Variants in CADM2 observed in about 807,000 individuals in gnomAD.
The protein encoded by CADM2 is cell adhesion molecule 2.
Under a neutral mutation model 49.8 loss-of-function variants are expected in CADM2, and 12 were observed. The observed-to-expected ratio is 0.24, with a 90% CI of 0.15 to 0.39. The LOEUF is 0.39. CADM2 is among the 10% of genes least tolerant of loss of function. CADM2 has a pLI of 1.00. For missense variants in CADM2, 378 were observed against 492.3 expected (o/e 0.77, Z 2.20); for synonymous variants, 214 against 175.4 (o/e 1.22, Z -1.74).
At chr3:85,155,613 C>T (rs1007104973) in intron 1 of CADM2, among the ~76,000 whole-genome samples, 8 of 152,008 alleles carry the variant, frequency 5.3e-5, no homozygotes, top group Non-Finnish European at 8.8e-5. Context: ...ACAGAACTCT[C>T]CACCCCAAAT....
chr3:85,070,042 T>A (rs2036664136), intron 1 of CADM2, among the ~76,000 whole-genome samples: 1 of 152,170 alleles, frequency 6.6e-6, no homozygotes, highest in Admixed American at 6.5e-5. Context: ...CTTCTTCGAA[T>A]TTTTTGTATT....
At chr3:85,110,290 G>T (rs1441161417) in intron 1 of CADM2, among the ~76,000 whole-genome samples, 2 of 151,650 alleles carry the variant, frequency 1.3e-5, no homozygotes, top group African/African-American at 4.8e-5. Context: ...GAGAAACTGT[G>T]GGGGGCAGAT....
At chr3:85,131,032 A>G (rs548687059) in intron 1 of CADM2, among the ~76,000 whole-genome samples, 1 of 152,226 alleles carries the variant, frequency 6.6e-6, no homozygotes, top group South Asian at 2.1e-4. Context: ...AAAATACAAA[A>G]TTAGCCGGGC....
intron 1 of CADM2, among the ~76,000 whole-genome samples, chr3:84,962,433 CT>C (rs2030627672): frequency 6.6e-6 from 1 of 152,104 alleles, no homozygotes; most frequent in East Asian, 1.9e-4. Context: ...TCATGCCTTC[CT>C]TGTCTTAGGC....
intron 5 of CADM2, among the ~76,000 whole-genome samples, chr3:85,908,641 T>A (rs995753436): frequency 1.3e-4 from 20 of 151,920 alleles, no homozygotes; most frequent in African/African-American, 4.8e-4. Context: ...CAATTTTAAA[T>A]GTATCGACAT....
At chr3:85,395,296 C>CAAAAAAAAAAAAAAA (rs58315220) in intron 1 of CADM2, among the ~76,000 whole-genome samples, 3 of 75,552 alleles carry the variant, frequency 4.0e-5, no homozygotes, top group East Asian at 4.0e-4. Flanking sequence ...AGACTCCATA[C>CAAAAAAAAAAAAAAA]AAAAAAAAAA....
At chr3:85,322,275 A>G (rs1195206632) in intron 1 of CADM2, among the ~76,000 whole-genome samples, 1 of 152,242 alleles carries the variant, frequency 6.6e-6, no homozygotes, top group Non-Finnish European at 1.5e-5. Flanking sequence ...TGTTTACGGT[A>G]GCATGTCCTA....
At chr3:85,386,394 G>T (rs1254607597) in intron 1 of CADM2, among the ~76,000 whole-genome samples, 2 of 152,128 alleles carry the variant, frequency 1.3e-5, no homozygotes, top group African/African-American at 2.4e-5. Flanking sequence ...TGGGTGGGGA[G>T]AACAACTAGA....
intron 1 of CADM2, among the ~76,000 whole-genome samples, chr3:85,321,128 T>A (rs2044598757): frequency 1.8e-4 from 2 of 10,876 alleles, no homozygotes; most frequent in African/African-American, 7.7e-4. Context: ...TTTTTTTTTT[T>A]TTTTTTTTTT....
At chr3:85,081,545 T>C (rs2037166879) in intron 1 of CADM2, among the ~76,000 whole-genome samples, 2 of 152,228 alleles carry the variant, frequency 1.3e-5, no homozygotes, top group Admixed American at 1.3e-4. Context: ...GGATAACAAT[T>C]TCCTTTATTT....
At chr3:85,535,992 G>T (rs1414158769) in intron 1 of CADM2, among the ~76,000 whole-genome samples, 1 of 152,010 alleles carries the variant, frequency 6.6e-6, no homozygotes, top group East Asian at 1.9e-4. Flanking sequence ...AAAACTTTGG[G>T]AGTCTTGTTT....
At chr3:85,478,059 T>G (rs2039055786) in intron 1 of CADM2, among the ~76,000 whole-genome samples, 1 of 151,912 alleles carries the variant, frequency 6.6e-6, no homozygotes. Context: ...ATATGATAAT[T>G]TAAAATGAAA....
intron 1 of CADM2, among the ~76,000 whole-genome samples, chr3:85,404,243 C>T (rs961181507): frequency 6.6e-6 from 1 of 152,032 alleles, no homozygotes. Flanking sequence ...CACTTTTTTT[C>T]TCCTTTCATT....
intron 8 of CADM2, among the ~76,000 whole-genome samples, chr3:86,064,655 CTCA>C (rs1382617890): frequency 6.6e-6 from 1 of 152,074 alleles, no homozygotes; most frequent in Non-Finnish European, 1.5e-5. Context: ...TGAAAAAATG[CTCA>C]TCATCACTGG....
chr3:85,602,036 A>G (rs899632597), intron 1 of CADM2, among the ~76,000 whole-genome samples: 26 of 151,830 alleles, frequency 1.7e-4, no homozygotes, highest in African/African-American at 6.0e-4. Flanking sequence ...AGTGGCTACT[A>G]TTGTAATTTA....
chr3:85,516,860 T>C (rs1423549909), intron 1 of CADM2, among the ~76,000 whole-genome samples: 1 of 152,058 alleles, frequency 6.6e-6, no homozygotes, highest in East Asian at 1.9e-4. Flanking sequence ...AATGCAAAGG[T>C]ACATTAATAA....
intron 1 of CADM2, among the ~76,000 whole-genome samples, chr3:85,024,841 A>G (rs1469206788): frequency 6.6e-6 from 1 of 152,040 alleles, no homozygotes; most frequent in Non-Finnish European, 1.5e-5. Flanking sequence ...TTAACATACA[A>G]TATACAATAG....
At chr3:85,545,229 A>G (rs1217633808) in intron 1 of CADM2, among the ~76,000 whole-genome samples, 13 of 152,180 alleles carry the variant, frequency 8.5e-5, no homozygotes, top group Non-Finnish European at 1.9e-4. Flanking sequence ...AGGAAACATT[A>G]ATTAAACAAA....
chr3:85,518,498 T>A (rs898192225), intron 1 of CADM2, among the ~76,000 whole-genome samples: 1 of 152,032 alleles, frequency 6.6e-6, no homozygotes. Flanking sequence ...CACTGCCAGG[T>A]AACCACATCT....
Sources: allele counts gnomAD v4.1 joint callset (sites outside exome capture counted in the v4.1 genomes callset), GRCh38; gene constraint gnomAD v4.1.1; transcripts MANE v1.5; gene names NCBI Gene and HGNC (gene_info 2026-07-23, HGNC 2026-07-21).